GALNT17: variants seen among roughly 807,000 people sequenced by gnomAD.
The protein encoded by GALNT17 is UDP-GalNAc:polypeptide N-acetylgalactosaminyltransferase-like 3.
Under a neutral mutation model 63.7 loss-of-function variants are expected in GALNT17, and 29 were observed. The ratio of observed to expected loss-of-function variants is 0.46; its 90% confidence interval spans 0.34 to 0.62. GALNT17 has a LOEUF of 0.62. Among genes scored for constraint, GALNT17 ranks in the 20% least tolerant of loss-of-function variants. The pLI is 0.01. For missense variants in GALNT17, 603 were observed against 799.6 expected, an observed-to-expected ratio of 0.75 and a Z score of 2.97; for synonymous variants, 305 against 318.3, an observed-to-expected ratio of 0.96 and a Z score of 0.45.
intron 5 of GALNT17, among the ~76,000 whole-genome samples, chr7:71,511,607 G>C (rs545962386): frequency 1.3e-5 from 2 of 152,278 alleles, no homozygotes; most frequent in East Asian, 3.9e-4. Flanking sequence ...CCTGTCACTA[G>C]CACCCCTGCT....
chr7:71,367,505 G>A (rs1211792761), intron 2 of GALNT17, among the ~76,000 whole-genome samples: 4 of 152,184 alleles, frequency 2.6e-5, no homozygotes, highest in African/African-American at 9.6e-5. Flanking sequence ...ATGTTTGTTG[G>A]TGGTTTCCAG....
chr7:71,659,186 C>A (rs893765371), intron 6 of GALNT17, among the ~76,000 whole-genome samples: 2 of 152,230 alleles, frequency 1.3e-5, no homozygotes, highest in African/African-American at 4.8e-5. Context: ...TCTTCCAGCC[C>A]TACTTTCTGA....
chr7:71,200,683 C>G (rs1789149326), intron 1 of GALNT17, among the ~76,000 whole-genome samples: 1 of 152,016 alleles, frequency 6.6e-6, no homozygotes, highest in African/African-American at 2.4e-5. Flanking sequence ...TTCTGCTTTT[C>G]TCACATTACA....
intron 6 of GALNT17, among the ~76,000 whole-genome samples, chr7:71,606,953 T>G (rs765459910): frequency 3.3e-5 from 5 of 152,174 alleles, no homozygotes; most frequent in Non-Finnish European, 5.9e-5. Flanking sequence ...AGTAATTTGG[T>G]GGTCAGAAAC....
intron 1 of GALNT17, among the ~76,000 whole-genome samples, chr7:71,136,694 AGGCT>A (rs1013464822): frequency 1.3e-5 from 2 of 151,978 alleles, no homozygotes; most frequent in Non-Finnish European, 2.9e-5. Context: ...CATGTTGGTC[AGGCT>A]GGTGTTGAGT....
At chr7:71,410,386 C>T (rs1793409048) in intron 3 of GALNT17, among the ~76,000 whole-genome samples, 1 of 152,106 alleles carries the variant, frequency 6.6e-6, no homozygotes, top group South Asian at 2.1e-4. Flanking sequence ...GCTGAGATTA[C>T]AGGCGTGTGC....
chr7:71,422,204 C>G (rs2906273), intron 5 of GALNT17, among the ~76,000 whole-genome samples: 105,758 of 151,780 alleles, frequency 0.7, 37,172 homozygotes, highest in Non-Finnish European at 0.73. Flanking sequence ...CATGTCCTTG[C>G]CTTTTCCAGC....
intron 6 of GALNT17, among the ~76,000 whole-genome samples, chr7:71,589,054 G>T (rs1012870617): frequency 6.6e-6 from 1 of 152,142 alleles, no homozygotes; most frequent in African/African-American, 2.4e-5. Flanking sequence ...TGTTATTAGT[G>T]TGTGGAGGTA....
At chr7:71,261,112 G>A (rs912673082) in intron 1 of GALNT17, among the ~76,000 whole-genome samples, 15 of 152,162 alleles carry the variant, frequency 9.9e-5, no homozygotes, top group East Asian at 1.9e-4. Flanking sequence ...GCTATACTCC[G>A]ATGGATTATA....
At chr7:71,370,252 G>A (rs1276517528) in intron 2 of GALNT17, among the ~76,000 whole-genome samples, 26 of 152,180 alleles carry the variant, frequency 1.7e-4, no homozygotes, top group Admixed American at 1.7e-3. Context: ...TGCTTCTTCA[G>A]AGCCACCTGT....
chr7:71,188,170 G>A (rs758417551), intron 1 of GALNT17, among the ~76,000 whole-genome samples: 26 of 145,804 alleles, frequency 1.8e-4, no homozygotes, highest in Non-Finnish European at 3.2e-4. Flanking sequence ...TTGCAGTTGC[G>A]AAATGTGCTG....
intron 1 of GALNT17, among the ~76,000 whole-genome samples, chr7:71,153,719 C>G (rs1267778628): frequency 6.6e-6 from 1 of 152,066 alleles, no homozygotes; most frequent in Non-Finnish European, 1.5e-5. Flanking sequence ...GAGTTTGAGA[C>G]CAGCCTGGCC....
chr7:71,300,186 T>C, intron 1 of GALNT17: 1 of 280,388 alleles, frequency 3.6e-6, no homozygotes, highest in East Asian at 1.0e-4. Context: ...AAAACTTTTG[T>C]GGGAGATGAT....
At chr7:71,262,622 G>T (rs1003663795) in intron 1 of GALNT17, among the ~76,000 whole-genome samples, 2 of 151,332 alleles carry the variant, frequency 1.3e-5, no homozygotes, top group East Asian at 3.9e-4. Context: ...TTAAAATGAG[G>T]TCTTTAGAGT....
chr7:71,491,615 G>T (rs745470176), intron 5 of GALNT17, among the ~76,000 whole-genome samples: 1 of 152,184 alleles, frequency 6.6e-6, no homozygotes, highest in Non-Finnish European at 1.5e-5. Flanking sequence ...GCAGACTCCA[G>T]TCCATCCTGA....
intron 5 of GALNT17, among the ~76,000 whole-genome samples, chr7:71,515,362 G>A (rs911656106): frequency 3.9e-5 from 6 of 152,174 alleles, no homozygotes; most frequent in Non-Finnish European, 8.8e-5. Flanking sequence ...GAAGGGGATG[G>A]AGGGGACAGT....
chr7:71,499,046 A>G (rs1047730350), intron 5 of GALNT17, among the ~76,000 whole-genome samples: 4 of 152,224 alleles, frequency 2.6e-5, no homozygotes, highest in Non-Finnish European at 4.4e-5. Context: ...TCTCCATAGC[A>G]ACTCTTTCAG....
intron 1 of GALNT17, among the ~76,000 whole-genome samples, chr7:71,234,110 A>C (rs1241440902): frequency 6.6e-6 from 1 of 152,168 alleles, no homozygotes; most frequent in Non-Finnish European, 1.5e-5. Context: ...GGTGGGACAC[A>C]CATCCAAACC....
intron 5 of GALNT17, among the ~76,000 whole-genome samples, chr7:71,421,316 T>G (rs749788791): frequency 6.6e-5 from 10 of 152,176 alleles, no homozygotes; most frequent in Non-Finnish European, 1.3e-4. Flanking sequence ...AAGTGCAGCT[T>G]TCCAACAGCG....
Sources: allele counts gnomAD v4.1 joint callset (sites outside exome capture counted in the v4.1 genomes callset), GRCh38; gene constraint gnomAD v4.1.1; transcripts MANE v1.5; gene names NCBI Gene and HGNC (gene_info 2026-07-23, HGNC 2026-07-21).